RASGRP4: variants seen among roughly 807,000 people sequenced by gnomAD.
The protein encoded by RASGRP4 is RAS guanyl-releasing protein 4.
Under a neutral mutation model 84.4 loss-of-function variants are expected in RASGRP4, and 52 were observed. That is an observed-to-expected ratio of 0.62 (90% CI 0.49 to 0.78). RASGRP4 has a LOEUF of 0.78. Among genes scored for constraint, RASGRP4 ranks in the 30% least tolerant of loss-of-function variants. The pLI, the probability that RASGRP4 is intolerant of heterozygous loss-of-function variation, is 0.00. For synonymous variants in RASGRP4, 356 were observed against 359.1 expected, an observed-to-expected ratio of 0.99 and a Z score of 0.10; for missense variants, 760 against 886.9, an observed-to-expected ratio of 0.86 and a Z score of 1.82.
chr19:38,421,389 C>T (rs946530131), intron 2 of RASGRP4, among the ~76,000 whole-genome samples, 189 bp from the exon 3 acceptor site: 3 of 152,190 alleles, frequency 2.0e-5, no homozygotes, highest in African/African-American at 7.2e-5. Context: ...GGCAGCATCA[C>T]CCCTGGCAAG....
At chr19:38,414,154 TC>T (rs1971394328) in intron 9 of RASGRP4, among the ~76,000 whole-genome samples, 1 of 151,952 alleles carries the variant, frequency 6.6e-6, no homozygotes, top group Non-Finnish European at 1.5e-5. Context: ...GGTCTCAAAC[TC>T]CTCAGGCAAT....
At position 38,413,992 on chromosome 19, in the gene RASGRP4, G is replaced by A. The variant is rs1227155680; in HGVS notation, c.1231-518C>T. ...CACCCAGGCTGGAGTGTAGTGGTAC[G>A]ATCTTGGCTCACTGCAACCTCCGCC... is the stretch of plus-strand genomic sequence containing the variant. On this transcript the variant is annotated intron_variant, in intron 9 of 16. Coordinates refer to ENST00000615439, the MANE Select transcript of RASGRP4 (RefSeq NM_170604.3). This position sits in a 1 kb window ranked among gnomAD's most constrained non-coding sequence, Gnocchi z 4.7. Among the ~76,000 whole-genome samples the A allele has an allele frequency of 7.2e-5, 11 of 152,132 alleles. No individual in the cohort carries two copies. The highest frequency in any genetic ancestry group is 3.9e-4 in the Admixed American group (6 of 15,272).
In RASGRP4 at chr19:38,413,215, C is replaced by T. The variant is rs374568572; in HGVS notation, c.1394G>A (p.Arg465Gln). ...TACCTCCACCAGCTGCTCCACATGCCGACCCAGTGTGACCCTGTCCGGCTT... is the reference window on the plus strand; with the variant it reads ...TACCTCCACCAGCTGCTCCACATGCTGACCCAGTGTGACCCTGTCCGGCTT... ...TPKPDRVTLG[R>Q]HVEQLVESVF... Residue 465 changes from arginine to glutamine, a missense_variant, in exon 11 of 17, where the codon CGG becomes CAG. Transcript: ENST00000615439. This position sits in a 1 kb window ranked among gnomAD's most constrained non-coding sequence, Gnocchi z 4.7. 2.7e-5 allele frequency: 43 copies of T among 1,613,430 alleles called. No individual in the cohort carries two copies. The highest frequency in any genetic ancestry group is 3.6e-5 in the Non-Finnish European group (42 of 1,179,826).
At chr19:38,419,732 G>T in intron 6 of RASGRP4, 128 bp downstream of exon 6, 1 of 986,156 alleles carries the variant, frequency 1.0e-6, no homozygotes, top group Non-Finnish European at 1.5e-6. Context: ...ACAGGTTTGA[G>T]TTTAAGACTT....
chr19:38,414,766 G>C lies in RASGRP4; in HGVS notation c.1230+82C>G. The C allele has an allele frequency of 3.6e-6, 5 of 1,393,988 alleles. No homozygotes were observed. In the South Asian group the frequency reaches 7.1e-5, roughly 20 times the overall value. 86.4% of individuals were successfully genotyped at this position (1,393,988 alleles called of 1,614,324 possible). On this transcript the variant is annotated intron_variant, in intron 9 of 16. Transcript: ENST00000615439. The stretch of plus-strand genomic sequence containing the variant: ...TGCACTCCAGCACTTTTCTATCCTG[G>C]TCCTGGAGACACTCACACACCCAGG...
Position 38,418,323 on chromosome 19 carries a change from G to C in RASGRP4, c.837+68C>G. 1 of 1,500,860 alleles carries C rather than the reference G, an allele frequency of 6.7e-7. No homozygotes were observed. 93.0% of individuals were successfully genotyped at this position (1,500,860 alleles called of 1,614,324 possible). A position where few individuals can be genotyped will look rare whatever the true frequency, so the allele number is the denominator to read the frequency against. On this transcript the variant is annotated intron_variant, in intron 7 of 16. Transcript: ENST00000615439. This position sits in a 1 kb window ranked among gnomAD's most constrained non-coding sequence, Gnocchi z 4.6. ...GCCGGGATGACCCTGTGGGGTCGAG[G>C]GTCTGGAAGGGGAAGGACCAGGTGG...
In RASGRP4 at chr19:38,414,836, AG is replaced by A; in HGVS notation, c.1230+11del. On this transcript the variant is annotated intron_variant, in intron 9 of 16. Coordinates refer to ENST00000615439, the MANE Select transcript of RASGRP4 (RefSeq NM_170604.3). Reference sequence around the variant, plus strand: ...TTGGAAGCCCAGCCTGGGCGGGGCCAGGGGGGCTCACCGTGAGCAGGTGCAG... The same window carrying A: ...TTGGAAGCCCAGCCTGGGCGGGGCCAGGGGGCTCACCGTGAGCAGGTGCAG... 2.5e-6 allele frequency: 4 copies of A among 1,575,354 alleles called. No homozygotes were observed. The highest frequency in any genetic ancestry group is 1.2e-5 in the South Asian group (1 of 86,714).
chr19:38,421,951 T>TG lies in RASGRP4; in HGVS notation c.208+17dup, dbSNP rs766050202. On this transcript the variant is annotated intron_variant, in intron 2 of 16. Coordinates refer to ENST00000615439, the MANE Select transcript of RASGRP4 (RefSeq NM_170604.3). ...CCGAGGTTAGGGCCAGGGAGGCTGC[T>TG]GGGGAGAGGACACTTACCGAAGGAC... The TG allele has an allele frequency of 6.2e-7, 1 of 1,602,298 alleles. No individual in the cohort carries two copies. Among genetic ancestry groups the TG allele is most frequent in the Admixed American group, 1.7e-5 (1 of 58,440 alleles).
Position 38,410,932 on chromosome 19 carries a change from G to C in RASGRP4, c.1919C>G (p.Ala640Gly). 1.2e-6 allele frequency: 2 copies of C among 1,604,766 alleles called. No homozygotes were observed. The highest frequency in any genetic ancestry group is 2.2e-5 in the East Asian group (1 of 44,554). Residue 640 changes from alanine (A) to glycine (G), a missense_variant, in exon 16 of 17, where the codon GCC becomes GGC. Physicochemically the swap from Ala to Gly is moderately conservative, Grantham distance 60 (BLOSUM62 0). Coordinates refer to ENST00000615439, the MANE Select transcript of RASGRP4 (RefSeq NM_170604.3). ...GTGTGGGGATTCAGTCTGGGTCCAG[G>C]CATGGCGAAGCTGGCACCCAGTCTC... The part of the protein sequence containing the change: ...EPETGCQLRH[A>G]WTQTESPHPS...
At position 38,419,851 on chromosome 19, in the gene RASGRP4, G is replaced by C. The variant is rs774861150; in HGVS notation, c.663+9C>G. The C allele has an allele frequency of 6.3e-7, 1 of 1,580,850 alleles. No homozygotes were observed. The highest frequency in any genetic ancestry group is 2.3e-5 in the East Asian group (1 of 43,230). ...CCTGCTTGGGACGGGGATGGGAGGG[G>C]GTCCTCACCGTGATAGCCTGGAAGG... On this transcript the variant is annotated intron_variant, in intron 6 of 16. Transcript: ENST00000615439.
chr19:38,422,165 G>A lies in RASGRP4; in HGVS notation c.24-12C>T, dbSNP rs1971786999. On this transcript the variant is annotated splice_polypyrimidine_tract_variant and intron_variant, in intron 1 of 16. Coordinates refer to ENST00000615439, the MANE Select transcript of RASGRP4 (RefSeq NM_170604.3). ...CCTGGTGGGACTTCCTGTGGGCACA[G>A]CCCCCAAGGAGTCATGGGAGCACCT... is the stretch of plus-strand genomic sequence containing the variant. 2 of 1,601,624 alleles carry A rather than the reference G, an allele frequency of 1.2e-6. No individual in the cohort carries two copies. The highest frequency in any genetic ancestry group is 2.7e-5 in the African/African-American group (2 of 74,862).
intron 8 of RASGRP4, among the ~76,000 whole-genome samples, chr19:38,416,503 G>A (rs1278090054): frequency 2.6e-5 from 4 of 151,302 alleles, no homozygotes; most frequent in African/African-American, 9.7e-5. Context: ...TCTGGAGATG[G>A]GGTCTCGCTA....
rs1352387678 is a variant in RASGRP4 at position 38,411,336 on chromosome 19, C to T, written c.1717+9G>A. 6.2e-7 allele frequency: 1 copy of T among 1,605,194 alleles called. No individual in the cohort carries two copies. The highest frequency in any genetic ancestry group is 8.5e-7 in the Non-Finnish European group (1 of 1,175,780). On this transcript the variant is annotated intron_variant, in intron 14 of 16. Coordinates refer to ENST00000615439, the MANE Select transcript of RASGRP4 (RefSeq NM_170604.3). ...AGGCTTCCCTCCCACTCACTGACAC[C>T]CCACTCACCCCGACAGCGGTAGCCT... is the stretch of plus-strand genomic sequence containing the variant.
In RASGRP4 at chr19:38,413,822, G is replaced by C. The variant is rs888082063; in HGVS notation, c.1231-348C>G. On this transcript the variant is annotated intron_variant, in intron 9 of 16. Transcript: ENST00000615439. The surrounding 1 kb of genome is among the most constrained non-coding windows in gnomAD (Gnocchi z 4.7). The stretch of plus-strand genomic sequence containing the variant: ...GCTCAGAACCTTGGAGTTTAAGAAT[G>C]TGAACCCCAAAGCAATTCCAGAGCT... 6.6e-6 allele frequency among the ~76,000 whole-genome samples: 1 copy of C among 152,204 alleles called. No individual in the cohort carries two copies. Among genetic ancestry groups the C allele is most frequent in the African/African-American group, 2.4e-5 (1 of 41,448 alleles).
chr19:38,412,356 AAGCAATCCGCCCACCTC>A lies in RASGRP4; in HGVS notation c.1680+299_1680+315del. The A allele has an allele frequency of 3.1e-6, 1 of 327,786 alleles. No individual in the cohort carries two copies. The highest frequency in any genetic ancestry group is 5.7e-6 in the Non-Finnish European group (1 of 175,310). The allele number at this position is 327,786 out of a possible 1,614,324, so 20.3% of individuals were successfully genotyped here. On this transcript the variant is annotated intron_variant, in intron 13 of 16. Transcript: ENST00000615439. The surrounding 1 kb of genome is among the most constrained non-coding windows in gnomAD (Gnocchi z 4.6). The stretch of plus-strand genomic sequence containing the variant: ...AGGCTGGTCTTGAACTCTTGAGCTC[AAGCAATCCGCCCACCTC>A]AGCCTCCCCAAGTGCTGGGATTACA...
intron 2 of RASGRP4, among the ~76,000 whole-genome samples, chr19:38,421,751 T>A: frequency 6.8e-6 from 1 of 147,982 alleles, no homozygotes; most frequent in East Asian, 2.0e-4. Flanking sequence ...TTTATATAAA[T>A]ATATATAATA....
intron 1 of RASGRP4, among the ~76,000 whole-genome samples, chr19:38,422,483 G>C (rs1182976976): frequency 6.6e-6 from 1 of 152,122 alleles, no homozygotes; most frequent in Non-Finnish European, 1.5e-5. Context: ...AGGAACCAGC[G>C]GGCAAGCAAG....
rs1209591910 is a variant in RASGRP4, at chr19:38,418,259, T to TG, written c.837+131dup. On this transcript the variant is annotated intron_variant, in intron 7 of 16. Transcript: ENST00000615439. The surrounding 1 kb of genome is among the most constrained non-coding windows in gnomAD (Gnocchi z 4.6). ...GTCCTTGGTTGGAATGCCCAGGCTG[T>TG]GGCCTCGGGGGCGGGGCCGGGAGAT... The TG allele has an allele frequency of 3.3e-6, 3 of 913,474 alleles. No individual in the cohort carries two copies. Among genetic ancestry groups the TG allele is most frequent in the Non-Finnish European group, 5.0e-6 (3 of 599,616 alleles). The allele number at this position is 913,474 out of a possible 1,614,324, so 56.6% of individuals were successfully genotyped here.
intron 4 of RASGRP4, 103 bp downstream of exon 4, chr19:38,420,805 G>T: frequency 1.7e-6 from 2 of 1,207,794 alleles, no homozygotes; most frequent in Non-Finnish European, 2.4e-6. Flanking sequence ...GGCTGGTTGG[G>T]TCTGTGGGAA....
Sources: gnomAD v4.1 joint callset for allele counts (sites outside exome capture counted in the v4.1 genomes callset) on GRCh38, gnomAD v4.1.1 for gene constraint, Gnocchi (gnomAD v3.1) non-coding constraint, MANE v1.5 for transcripts, NCBI Gene and HGNC (gene_info 2026-07-23, HGNC 2026-07-21) for gene names.